The following GRIK2 variants were observed in gnomAD, a reference collection of about 807,000 sequenced individuals.
GRIK2 encodes glutamate receptor ionotropic, kainate 2.
In GRIK2, 32 loss-of-function variants were observed where a neutral mutation model predicts 100.3. The observed-to-expected ratio is 0.32, with a 90% CI of 0.24 to 0.43. GRIK2 has a LOEUF of 0.43. Among genes scored for constraint, GRIK2 ranks in the 20% least tolerant of loss-of-function variants. GRIK2 has a pLI of 1.00. For synonymous variants in GRIK2, 417 were observed against 389.4 expected (o/e 1.07, Z -0.83); for missense variants, 843 against 1,114.9 (o/e 0.76, Z 3.47).
At chr6:101,544,458 C>A (rs376420315) in intron 2 of GRIK2, among the ~76,000 whole-genome samples, 222 of 152,242 alleles carry the variant, frequency 1.5e-3, no homozygotes, top group African/African-American at 5.2e-3. Flanking sequence ...AGGTTTTGGT[C>A]CTGCCCTGGA....
chr6:102,037,938 C>T (rs957147131), intron 15 of GRIK2, among the ~76,000 whole-genome samples: 1 of 151,328 alleles, frequency 6.6e-6, no homozygotes, highest in Non-Finnish European at 1.5e-5. Flanking sequence ...TAGGAAAAAT[C>T]ATATACTCTT....
intron 7 of GRIK2, among the ~76,000 whole-genome samples, chr6:101,713,712 A>AT (rs1457555003): frequency 6.6e-6 from 1 of 151,752 alleles, no homozygotes; most frequent in Non-Finnish European, 1.5e-5. Context: ...ACTTTTAAAC[A>AT]TTTTTTATAA....
chr6:101,910,839 C>CCACACACACACACGCGCGCACA (rs1554284825), intron 12 of GRIK2, among the ~76,000 whole-genome samples: 12 of 143,368 alleles, frequency 8.4e-5, no homozygotes, highest in African/African-American at 3.2e-4. Context: ...CCAACATACA[C>CCACACACACACACGCGCGCACA]CACACACACA....
rs933533171 is a variant in GRIK2, at chr6:101,970,887, G to A, written c.2085+42255G>A. ...TTTTGCAGAAGTGAAGGCAAAAAAT[G>A]AAGGCATATCCAAATGATACAAATG... On this transcript the variant is annotated intron_variant, in intron 14 of 16. Coordinates refer to ENST00000369134, the MANE Select transcript of GRIK2 (RefSeq NM_021956.5). 1.7e-4 allele frequency among the ~76,000 whole-genome samples: 25 copies of A among 150,680 alleles called. 3 individuals are homozygous for A. Among genetic ancestry groups the A allele is most frequent in the African/African-American group, 5.5e-4 (22 of 40,196 alleles).
chr6:101,677,359 CT>C (rs760073381), intron 5 of GRIK2, among the ~76,000 whole-genome samples: 9 of 152,066 alleles, frequency 5.9e-5, no homozygotes, highest in Non-Finnish European at 1.0e-4. Flanking sequence ...GATATCCAAC[CT>C]AATGATGTTA....
chr6:101,588,698 GAAGAA>G lies in GRIK2; in HGVS notation c.116-33243_116-33239del, dbSNP rs564956229. Among the ~76,000 whole-genome samples, 901 of 143,538 alleles carry G rather than the reference GAAGAA, an allele frequency of 6.3e-3. 11 individuals are homozygous for G. The highest frequency in any genetic ancestry group is 0.021 in the African/African-American group (828 of 38,568). The allele number at this position is 143,538 out of a possible 152,430, so 94.2% of individuals were successfully genotyped here. A position where few individuals can be genotyped will look rare whatever the true frequency, so the allele number is the denominator to read the frequency against. On this transcript the variant is annotated intron_variant, in intron 2 of 16. Transcript: ENST00000369134. ...CACACACACACAGAAAAGAAAGAAAGAAGAAAAGAAAAAAAGTGAAGCAGCCCATA... is the reference window on the plus strand; with the variant it reads ...CACACACACACAGAAAAGAAAGAAAGAAGAAAAAAAGTGAAGCAGCCCATA...
intron 2 of GRIK2, among the ~76,000 whole-genome samples, chr6:101,547,119 C>A (rs1180447746): frequency 1.3e-5 from 2 of 151,992 alleles, no homozygotes. Flanking sequence ...GCGTGAGCCA[C>A]CGCGCCCGGC....
At chr6:101,479,871 T>A (rs534527532) in intron 2 of GRIK2, among the ~76,000 whole-genome samples, 2 of 152,328 alleles carry the variant, frequency 1.3e-5, no homozygotes, top group East Asian at 3.9e-4. Context: ...TATTTTAATT[T>A]CCTGTTTTAA....
chr6:101,931,920 A>G (rs949756833), intron 14 of GRIK2, among the ~76,000 whole-genome samples: 3 of 152,088 alleles, frequency 2.0e-5, no homozygotes, highest in Non-Finnish European at 4.4e-5. Context: ...TTAGTGTACT[A>G]GAACTGAAGT....
intron 10 of GRIK2, among the ~76,000 whole-genome samples, chr6:101,854,089 GGTA>G (rs1784286740): frequency 6.6e-6 from 1 of 152,052 alleles, no homozygotes; most frequent in African/African-American, 2.4e-5. Flanking sequence ...GACTGGGAGT[GGTA>G]ATGATGTGCC....
intron 10 of GRIK2, among the ~76,000 whole-genome samples, chr6:101,851,587 T>C (rs1451696683): frequency 6.6e-6 from 1 of 152,046 alleles, no homozygotes; most frequent in East Asian, 1.9e-4. Flanking sequence ...TTTTTATAAA[T>C]TCTTAAAATA....
intron 7 of GRIK2, among the ~76,000 whole-genome samples, chr6:101,707,692 C>T (rs779896618): frequency 3.3e-5 from 5 of 149,874 alleles, no homozygotes; most frequent in African/African-American, 9.8e-5. Flanking sequence ...ACAAGGCACT[C>T]ATACTCAGTG....
chr6:101,734,886 T>G (rs559465491), intron 7 of GRIK2, among the ~76,000 whole-genome samples: 1 of 152,318 alleles, frequency 6.6e-6, no homozygotes, highest in African/African-American at 2.4e-5. Flanking sequence ...TGATCTCAAC[T>G]TGTCTTCATG....
intron 2 of GRIK2, among the ~76,000 whole-genome samples, chr6:101,556,874 T>A (rs1420455702): frequency 6.6e-6 from 1 of 152,180 alleles, no homozygotes; most frequent in Non-Finnish European, 1.5e-5. Flanking sequence ...GTGATATTTT[T>A]AAAAAGATAA....
chr6:101,790,362 A>T (rs560042753), intron 7 of GRIK2, among the ~76,000 whole-genome samples: 5 of 152,206 alleles, frequency 3.3e-5, no homozygotes, highest in African/African-American at 4.8e-5. Context: ...ATAGCTCTTA[A>T]TATTTTGAGA....
intron 2 of GRIK2, among the ~76,000 whole-genome samples, chr6:101,475,518 C>A (rs1279014320): frequency 1.3e-5 from 2 of 151,970 alleles, no homozygotes; most frequent in Non-Finnish European, 2.9e-5. Context: ...TTATAAAGAG[C>A]TATTTTTTCA....
intron 7 of GRIK2, among the ~76,000 whole-genome samples, chr6:101,740,718 C>T (rs948576677): frequency 1.3e-5 from 2 of 152,116 alleles, no homozygotes; most frequent in African/African-American, 4.8e-5. Flanking sequence ...CTTGTGAGGA[C>T]CTCTGGAAAC....
At chr6:101,827,049 A>C (rs1782379964) in intron 10 of GRIK2, among the ~76,000 whole-genome samples, 2 of 151,612 alleles carry the variant, frequency 1.3e-5, no homozygotes, top group Non-Finnish European at 3.0e-5. Flanking sequence ...CCCAAATCCC[A>C]GTAGATTTTC....
chr6:101,515,380 T>C (rs910996879), intron 2 of GRIK2, among the ~76,000 whole-genome samples: 8 of 152,148 alleles, frequency 5.3e-5, no homozygotes, highest in Non-Finnish European at 7.3e-5. Flanking sequence ...TAAACATGTA[T>C]GTACAAGTAT....
Sources: gnomAD v4.1 joint callset for allele counts (sites outside exome capture counted in the v4.1 genomes callset) on GRCh38, gnomAD v4.1.1 for gene constraint, MANE v1.5 for transcripts, NCBI Gene and HGNC (gene_info 2026-07-23, HGNC 2026-07-21) for gene names.